The following PARVA variants were observed in gnomAD, a reference collection of about 807,000 sequenced individuals.
PARVA encodes parvin alpha.
In PARVA, 25 loss-of-function variants were observed where a neutral mutation model predicts 52.6. That is an observed-to-expected ratio of 0.48 (90% CI 0.35 to 0.66). PARVA has a LOEUF of 0.66. Ranked by LOEUF, PARVA falls within the 30% of genes least tolerant of loss-of-function variation. PARVA has a pLI of 0.01. For synonymous variants in PARVA, 185 were observed against 179.1 expected, an observed-to-expected ratio of 1.03 and a Z score of -0.26; for missense variants, 373 against 450.9, an observed-to-expected ratio of 0.83 and a Z score of 1.56.
chr11:12,490,259 C>G (rs1218476294), intron 4 of PARVA, among the ~76,000 whole-genome samples: 1 of 144,940 alleles, frequency 6.9e-6, no homozygotes, highest in Non-Finnish European at 1.5e-5. Context: ...CTCAGTGACT[C>G]ACGCCTGTAA....
chr11:12,393,683 G>A lies in PARVA; in HGVS notation c.136+15900G>A, dbSNP rs1196356941. Among the ~76,000 whole-genome samples, 8 of 152,168 alleles carry A rather than the reference G, an allele frequency of 5.3e-5. No individual in the cohort carries two copies. In the South Asian group the frequency reaches 1.7e-3, roughly 32 times the overall value. ...CACATCTGCCACTTCCCACTGGCCA[G>A]AACTCAGCTATGTGGCCACACCTAA... On this transcript the variant is annotated intron_variant, in intron 1 of 12. Coordinates refer to ENST00000334956, the MANE Select transcript of PARVA (RefSeq NM_018222.5).
chr11:12,467,876 A>T (rs1940875584), intron 1 of PARVA, among the ~76,000 whole-genome samples: 2 of 151,946 alleles, frequency 1.3e-5, no homozygotes, highest in African/African-American at 4.8e-5. Flanking sequence ...AGACCCTAAC[A>T]CTCTGGAACC....
chr11:12,387,382 C>T (rs1197257033), intron 1 of PARVA, among the ~76,000 whole-genome samples: 2 of 152,140 alleles, frequency 1.3e-5, no homozygotes, highest in African/African-American at 2.4e-5. Flanking sequence ...TGGTGCCTAG[C>T]ATACTACCTA....
chr11:12,506,409 A>G (rs959926994), intron 6 of PARVA, among the ~76,000 whole-genome samples: 1 of 152,150 alleles, frequency 6.6e-6, no homozygotes, highest in African/African-American at 2.4e-5. Flanking sequence ...TTGTGCATGA[A>G]TTTGTTGAAC....
chr11:12,503,017 A>C (rs1260205016), intron 5 of PARVA, among the ~76,000 whole-genome samples: 2 of 152,124 alleles, frequency 1.3e-5, no homozygotes, highest in Non-Finnish European at 2.9e-5. Flanking sequence ...CACCTCACTG[A>C]GTCTTTTTCT....
intron 1 of PARVA, among the ~76,000 whole-genome samples, chr11:12,406,797 A>G (rs1939918063): frequency 6.6e-6 from 1 of 150,932 alleles, no homozygotes; most frequent in African/African-American, 2.4e-5. Context: ...CGGCCTCCCA[A>G]GTAGCTGGGA....
intron 1 of PARVA, among the ~76,000 whole-genome samples, chr11:12,397,182 GT>G (rs1274087250): frequency 5.9e-5 from 9 of 152,110 alleles, no homozygotes; most frequent in Non-Finnish European, 1.0e-4. Flanking sequence ...GAACATTTAA[GT>G]TTTTTTATAG....
At chr11:12,426,763 C>T (rs1039130406) in intron 1 of PARVA, among the ~76,000 whole-genome samples, 1 of 152,086 alleles carries the variant, frequency 6.6e-6, no homozygotes, top group Non-Finnish European at 1.5e-5. Context: ...GCTGCCTGAC[C>T]ACCACAAGAT....
intron 3 of PARVA, chr11:12,477,261 A>C (rs1425059969): frequency 6.6e-6 from 1 of 152,236 alleles, no homozygotes; most frequent in African/African-American, 2.4e-5. Context: ...CGCCTGACTA[A>C]TCTTTGTAGT....
At position 12,529,862 on chromosome 11, in the gene PARVA, ATAAT is replaced by A. The variant is rs1403569698; in HGVS notation, c.*1940_*1943del. Reference sequence around the variant, plus strand: ...GTAAAAGAATACAATTCTTTTTTACATAATTAGTGAAATTTTATTTTTTATTAGG... The same window carrying A: ...GTAAAAGAATACAATTCTTTTTTACATAGTGAAATTTTATTTTTTATTAGG... On this transcript the variant is annotated 3_prime_UTR_variant, in exon 13 of 13. Transcript: ENST00000334956. 7 of 152,234 alleles carry A rather than the reference ATAAT, an allele frequency of 4.6e-5. No homozygotes were observed. The highest frequency in any genetic ancestry group is 1.0e-4 in the Non-Finnish European group (7 of 68,046). 9.4% of individuals were successfully genotyped at this position (152,234 alleles called of 1,614,324 possible). A position where few individuals can be genotyped will look rare whatever the true frequency, so the allele number is the denominator to read the frequency against.
chr11:12,379,478 G>T (rs745825399), intron 1 of PARVA, among the ~76,000 whole-genome samples: 17 of 152,154 alleles, frequency 1.1e-4, no homozygotes, highest in Non-Finnish European at 2.2e-4. Context: ...TATACAAGAG[G>T]TTATTGTAAA....
chr11:12,416,628 A>T lies in PARVA; in HGVS notation c.136+38845A>T, dbSNP rs532091388. On this transcript the variant is annotated intron_variant, in intron 1 of 12. Coordinates refer to ENST00000334956, the MANE Select transcript of PARVA (RefSeq NM_018222.5). ...GCTTCAGGAAGGAAGGAAGAAAAGGAAAGAAGGAAGGAAATCAGGGGAGAA... is the reference window on the plus strand; with the variant it reads ...GCTTCAGGAAGGAAGGAAGAAAAGGTAAGAAGGAAGGAAATCAGGGGAGAA... Among the ~76,000 whole-genome samples the T allele has an allele frequency of 1.3e-3, 199 of 152,234 alleles. 3 individuals carry two copies. Among genetic ancestry groups the T allele is most frequent in the Non-Finnish European group, 2.4e-3 (162 of 68,006 alleles).
intron 6 of PARVA, among the ~76,000 whole-genome samples, chr11:12,507,925 T>C (rs1941452287): frequency 6.6e-6 from 1 of 151,896 alleles, no homozygotes; most frequent in Non-Finnish European, 1.5e-5. Context: ...CACTGATTAA[T>C]GAAATAAACA....
chr11:12,511,594 G>T, intron 8 of PARVA, 61 bp downstream of exon 8: 4 of 1,557,242 alleles, frequency 2.6e-6, no homozygotes, highest in African/African-American at 1.4e-5. Context: ...AGTTAATTCC[G>T]CAGCAGCTGG....
intron 6 of PARVA, among the ~76,000 whole-genome samples, chr11:12,508,160 T>A (rs4756903): frequency 6.0e-5 from 9 of 148,786 alleles, no homozygotes; most frequent in Admixed American, 1.3e-4. Flanking sequence ...TCTGAATTCC[T>A]AGTTGGCCTC....
At chr11:12,409,583 T>C (rs1458055078) in intron 1 of PARVA, among the ~76,000 whole-genome samples, 1 of 152,096 alleles carries the variant, frequency 6.6e-6, no homozygotes, top group African/African-American at 2.4e-5. Context: ...AGAATGGCCA[T>C]GAAGATGTGA....
At position 12,531,444 on chromosome 11, in the gene PARVA, A is replaced by C. The variant is rs574627763; in HGVS notation, c.*3519A>C. On this transcript the variant is annotated 3_prime_UTR_variant, in exon 13 of 13. Transcript: ENST00000334956. ...GTAATTTTTCAATAACTAGACTCTG[A>C]GACATGTATACATTGTGGTTCAAAT... Among the ~76,000 whole-genome samples the C allele has an allele frequency of 1.1e-4, 16 of 152,348 alleles. No individual in the cohort carries two copies. The highest frequency in any genetic ancestry group is 3.6e-4 in the African/African-American group (15 of 41,568).
chr11:12,533,599 C>T lies in PARVA; in HGVS notation c.*5674C>T, dbSNP rs781088650. 3.7e-4 allele frequency among the ~76,000 whole-genome samples: 56 copies of T among 152,098 alleles called. 1 individual carries two copies. Among genetic ancestry groups the T allele is most frequent in the Non-Finnish European group, 2.1e-4 (14 of 68,036 alleles). ...TGCATGTAACTTGACTCCCCCAAAA[C>T]GTAACTATAATACTAATAGCCTTAC... On this transcript the variant is annotated 3_prime_UTR_variant, in exon 13 of 13. Transcript: ENST00000334956.
intron 8 of PARVA, chr11:12,513,020 G>A (rs563745518): frequency 1.5e-5 from 9 of 602,274 alleles, no homozygotes; most frequent in Non-Finnish European, 2.5e-5. Flanking sequence ...GAAGGGAAAT[G>A]ACTAATCCCG....
Sources: gnomAD v4.1 joint callset for allele counts (sites outside exome capture counted in the v4.1 genomes callset) on GRCh38, gnomAD v4.1.1 for gene constraint, MANE v1.5 for transcripts, NCBI Gene and HGNC (gene_info 2026-07-23, HGNC 2026-07-21) for gene names.